Variants in CD80 observed in about 807,000 individuals in gnomAD.
The protein encoded by CD80 is CD80 molecule, also known as T-lymphocyte activation antigen CD80.
CD80 carries 13 observed loss-of-function variants against 27.1 expected under a neutral mutation model. The observed-to-expected ratio is 0.48, with a 90% confidence interval of 0.31 to 0.76. The LOEUF (loss-of-function observed/expected upper bound fraction) is 0.76. CD80 is among the 30% of genes least tolerant of loss of function. The probability of loss-of-function intolerance (pLI) is 0.04; values close to 1 mark genes in which losing one functional copy is unlikely to be tolerated. For synonymous variants in CD80, 125 were observed against 125.5 expected (o/e 1.00, Z 0.03); for missense variants, 277 against 347.9 (o/e 0.80, Z 1.62).
intron 2 of CD80, among the ~76,000 whole-genome samples, chr3:119,556,619 C>T (rs1454547022): frequency 1.3e-5 from 2 of 152,198 alleles, no homozygotes; most frequent in Non-Finnish European, 2.9e-5. Flanking sequence ...TGACCACCAT[C>T]GCAGTCAAGT....
chr3:119,535,768 C>CA (rs964516706), intron 4 of CD80, among the ~76,000 whole-genome samples: 24 of 150,806 alleles, frequency 1.6e-4, no homozygotes, highest in African/African-American at 2.4e-4. Context: ...CATTCGCCCA[C>CA]AAAAAAAAAT....
rs117977011 is a variant in CD80, at chr3:119,529,949, A to C, written c.701-12T>G. 4.7e-4 allele frequency: 737 copies of C among 1,569,588 alleles called. 6 individuals are homozygous for C. In the East Asian group the frequency reaches 0.016, roughly 34 times the overall value. On this transcript the variant is annotated splice_polypyrimidine_tract_variant and intron_variant, in intron 4 of 6. Transcript: ENST00000264246. ...ATGCTCTTGCTTGGCTATGGAGGGAAAAGAATAATGTCAGCTGTAATGTAT... is the reference window on the plus strand; with the variant it reads ...ATGCTCTTGCTTGGCTATGGAGGGACAAGAATAATGTCAGCTGTAATGTAT...
At chr3:119,537,516 T>G in intron 3 of CD80, 98 bp from the exon 4 acceptor site, 1 of 890,514 alleles carries the variant, frequency 1.1e-6, no homozygotes, top group Non-Finnish European at 1.7e-6. Context: ...TAAGAATTGA[T>G]AAAGGCCAGG....
intron 4 of CD80, among the ~76,000 whole-genome samples, chr3:119,536,254 AAAAT>A (rs753503673): frequency 6.6e-5 from 10 of 152,256 alleles, no homozygotes; most frequent in Admixed American, 3.9e-4. Context: ...CTGTCTCAAA[AAAAT>A]AAATAAATAA....
At chr3:119,555,571 G>A (rs1220288559) in intron 2 of CD80, among the ~76,000 whole-genome samples, 1 of 152,182 alleles carries the variant, frequency 6.6e-6, no homozygotes, top group Non-Finnish European at 1.5e-5. Flanking sequence ...CTTGCTCACT[G>A]GGCCAGTCCC....
At chr3:119,530,854 CATAAA>C (rs2107739894) in intron 4 of CD80, among the ~76,000 whole-genome samples, 1 of 152,276 alleles carries the variant, frequency 6.6e-6, no homozygotes, top group East Asian at 1.9e-4. Context: ...TTATTTAAAA[CATAAA>C]AGAAATGTTC....
chr3:119,539,459 A>G (rs2082155922), intron 3 of CD80, among the ~76,000 whole-genome samples: 1 of 152,134 alleles, frequency 6.6e-6, no homozygotes, highest in South Asian at 2.1e-4. Flanking sequence ...AGAAAAACCT[A>G]TATCCAAACT....
Position 119,527,815 on chromosome 3 carries a change from T to G in CD80, c.823A>C (p.Arg275=). The change falls in exon 6 of 7, where the codon AGG becomes CGG. Residue 275 remains arginine (R), a synonymous_variant. Transcript: ENST00000264246. The part of the protein sequence containing the change: ...YCFAPRCRER[R]RNERLRRESV... ...TCCCTTCTCAATCTCTCATTCCTCC[T>G]TCTCTCTCTGCATCTTGGGGCAAAG... 1 of 1,613,954 alleles carries G rather than the reference T, an allele frequency of 6.2e-7. No individual in the cohort carries two copies. The highest frequency in any genetic ancestry group is 1.1e-5 in the South Asian group (1 of 91,082).
intron 6 of CD80, among the ~76,000 whole-genome samples, chr3:119,526,685 A>G (rs2082067976): frequency 6.6e-6 from 1 of 152,226 alleles, no homozygotes; most frequent in Non-Finnish European, 1.5e-5. Flanking sequence ...AGAGATTTTT[A>G]TAAGACTAAG....
chr3:119,536,073 A>G (rs1263664081), intron 4 of CD80, among the ~76,000 whole-genome samples: 6 of 151,928 alleles, frequency 3.9e-5, no homozygotes. Context: ...AACATGGTGA[A>G]ACCCCATCTC....
intron 3 of CD80, among the ~76,000 whole-genome samples, chr3:119,544,041 C>T (rs1483273722): frequency 6.6e-6 from 1 of 151,936 alleles, no homozygotes; most frequent in Non-Finnish European, 1.5e-5. Flanking sequence ...GAATGCGCCA[C>T]CACATCTGGC....
Position 119,529,824 on chromosome 3 carries a change from T to G in CD80, c.796+18A>C, listed in dbSNP as rs780148978. 1 of 1,480,416 alleles carries G rather than the reference T, an allele frequency of 6.8e-7. No homozygotes were observed. The allele number at this position is 1,480,416 out of a possible 1,614,324, so 91.7% of individuals were successfully genotyped here. A position where few individuals can be genotyped will look rare whatever the true frequency, so the allele number is the denominator to read the frequency against. On this transcript the variant is annotated intron_variant, in intron 5 of 6. Coordinates refer to ENST00000264246, the MANE Select transcript of CD80 (RefSeq NM_005191.4). ...TCTTCCAGAATTGAGATCAGGATGA[T>G]GGTATGATAGTACTTACAGTAGGTC...
intron 3 of CD80, among the ~76,000 whole-genome samples, chr3:119,540,607 A>T (rs75617612): frequency 0.016 from 2,480 of 152,312 alleles, 49 homozygotes; most frequent in African/African-American, 0.055. Flanking sequence ...TGTTTCTTAT[A>T]ACATCAATAT....
At position 119,537,180 on chromosome 3, in the gene CD80, C is replaced by T. The variant is rs766582846; in HGVS notation, c.657G>A (p.Lys219=). 8 of 1,614,022 alleles carry T rather than the reference C, an allele frequency of 5.0e-6. No individual in the cohort carries two copies. Among genetic ancestry groups the T allele is most frequent in the Non-Finnish European group, 6.8e-6 (8 of 1,179,998 alleles). The change falls in exon 4 of 7, where the codon AAG becomes AAA. Residue 219 remains lysine (K), a synonymous_variant. Coordinates refer to ENST00000264246, the MANE Select transcript of CD80 (RefSeq NM_005191.4). ...TTNHSFMCLI[K]YGHLRVNQTF... ...TCTGATTCACTCTTAAATGTCCATA[C>T]TTGATGAGACACATGAAGCTGTGGT...
chr3:119,536,363 C>T (rs1392035883), intron 4 of CD80, among the ~76,000 whole-genome samples: 5 of 151,972 alleles, frequency 3.3e-5, no homozygotes, highest in Non-Finnish European at 7.4e-5. Context: ...CTTTTAGAGA[C>T]AGGGTCTCAC....
At chr3:119,534,230 G>A (rs1178677753) in intron 4 of CD80, among the ~76,000 whole-genome samples, 1 of 152,064 alleles carries the variant, frequency 6.6e-6, no homozygotes. Flanking sequence ...AAATTAGCCA[G>A]TTGTGGAGGC....
At position 119,553,101 on chromosome 3, in the gene CD80, CACTTTATTTATTTATTTATT is replaced by C. The variant is rs1183226079; in HGVS notation, c.100+4508_100+4527del. Among the ~76,000 whole-genome samples, 892 of 143,442 alleles carry C rather than the reference CACTTTATTTATTTATTTATT, an allele frequency of 6.2e-3. 9 individuals carry two copies. The highest frequency in any genetic ancestry group is 0.022 in the African/African-American group (863 of 39,420). 94.1% of individuals were successfully genotyped at this position (143,442 alleles called of 152,430 possible). On this transcript the variant is annotated intron_variant, in intron 2 of 6. Coordinates refer to ENST00000264246, the MANE Select transcript of CD80 (RefSeq NM_005191.4). ...ATATACTAAAACCCACTGAATTGTA[CACTTTATTTATTTATTTATT>C]TATTTATTTATTTATTTATTTATTT...
intron 2 of CD80, among the ~76,000 whole-genome samples, chr3:119,556,847 TA>T (rs1261489886): frequency 2.8e-4 from 41 of 147,806 alleles, no homozygotes; most frequent in African/African-American, 4.0e-4. Context: ...TTTTCTGACT[TA>T]AAAAAAAAAA....
At position 119,525,017 on chromosome 3, in the gene CD80, T is replaced by C. The variant is rs562853241; in HGVS notation, c.*771A>G. On this transcript the variant is annotated 3_prime_UTR_variant, in exon 7 of 7. Transcript: ENST00000264246. ...CCATTTAAAGAGATTATCAGTCCAA[T>C]ATGAACCAGTTAAGTCTTTGGACTA... 3.9e-5 allele frequency: 6 copies of C among 152,224 alleles called. No homozygotes were observed. Among genetic ancestry groups the C allele is most frequent in the Non-Finnish European group, 8.8e-5 (6 of 68,038 alleles). The allele number at this position is 152,224 out of a possible 1,614,324, so 9.4% of individuals were successfully genotyped here.
Sources: gnomAD v4.1 joint callset for allele counts (sites outside exome capture counted in the v4.1 genomes callset) on GRCh38, gnomAD v4.1.1 for gene constraint, MANE v1.5 for transcripts, NCBI Gene and HGNC (gene_info 2026-07-23, HGNC 2026-07-21) for gene names.